The following ZDHHC13 variants were observed in gnomAD, a reference collection of about 807,000 sequenced individuals.
ZDHHC13 encodes palmitoyltransferase ZDHHC13.
Under a neutral mutation model 86.0 loss-of-function variants are expected in ZDHHC13, and 85 were observed. The ratio of observed to expected loss-of-function variants is 0.99; its 90% CI spans 0.83 to 1.18. ZDHHC13 has a LOEUF of 1.18. ZDHHC13 is among the 50% of genes most tolerant of loss of function. The pLI is 0.00. For missense variants in ZDHHC13, 711 were observed against 730.2 expected, an observed-to-expected ratio of 0.97 and a Z score of 0.30; for synonymous variants, 263 against 246.4, an observed-to-expected ratio of 1.07 and a Z score of -0.63.
intron 1 of ZDHHC13, among the ~76,000 whole-genome samples, chr11:19,140,613 A>G (rs944016994): frequency 1.3e-5 from 2 of 152,120 alleles, no homozygotes; most frequent in Non-Finnish European, 1.5e-5. Flanking sequence ...AGACACATGC[A>G]CACGTATGTT....
intron 1 of ZDHHC13, among the ~76,000 whole-genome samples, chr11:19,122,620 A>G (rs1343080838): frequency 6.6e-6 from 1 of 152,214 alleles, no homozygotes; most frequent in Non-Finnish European, 1.5e-5. Context: ...TAAACAGAGT[A>G]TAAGGAGTGA....
At chr11:19,163,199 C>T (rs1397370472) in intron 10 of ZDHHC13, 104 bp from the exon 11 acceptor site, 2 of 1,234,062 alleles carry the variant, frequency 1.6e-6, no homozygotes, top group East Asian at 5.0e-5. Context: ...GACATGTGTG[C>T]ATAAGGAAGG....
At chr11:19,130,009 A>C (rs1434696378) in intron 1 of ZDHHC13, among the ~76,000 whole-genome samples, 1 of 151,952 alleles carries the variant, frequency 6.6e-6, no homozygotes, top group Non-Finnish European at 1.5e-5. Context: ...AAGGGTGTGA[A>C]CCCAGGAGGC....
intron 1 of ZDHHC13, among the ~76,000 whole-genome samples, chr11:19,127,032 C>T (rs1472678604): frequency 1.3e-5 from 2 of 152,174 alleles, no homozygotes; most frequent in Non-Finnish European, 2.9e-5. Flanking sequence ...TGAGGAATCG[C>T]CATACTGCTT....
At chr11:19,135,245 C>T (rs576059240) in intron 1 of ZDHHC13, among the ~76,000 whole-genome samples, 19 of 152,322 alleles carry the variant, frequency 1.2e-4, no homozygotes, top group Admixed American at 7.2e-4. Flanking sequence ...CAGGGCGAGG[C>T]GTTGCCTCAC....
At chr11:19,170,201 G>T (rs1850180415) in intron 14 of ZDHHC13, 17 of 1,389,204 alleles carry the variant, frequency 1.2e-5, no homozygotes, top group African/African-American at 1.5e-5. Flanking sequence ...CTTATACAGT[G>T]TTATCATAGC....
At chr11:19,130,647 A>G (rs1278767111) in intron 1 of ZDHHC13, among the ~76,000 whole-genome samples, 1 of 152,144 alleles carries the variant, frequency 6.6e-6, no homozygotes, top group Non-Finnish European at 1.5e-5. Flanking sequence ...TAGATAACTT[A>G]CTGTAGGCCC....
intron 13 of ZDHHC13, among the ~76,000 whole-genome samples, chr11:19,165,795 A>T (rs1259317221): frequency 2.0e-5 from 3 of 152,208 alleles, no homozygotes; most frequent in African/African-American, 7.2e-5. Flanking sequence ...AACATGTTAC[A>T]TGGAAGGAGG....
intron 1 of ZDHHC13, among the ~76,000 whole-genome samples, chr11:19,135,505 C>T (rs540649611): frequency 4.6e-5 from 7 of 152,336 alleles, no homozygotes; most frequent in Middle Eastern, 3.4e-3. Context: ...GAGGGGCGCC[C>T]GCCATTGCCC....
At chr11:19,132,011 A>G (rs1022356336) in intron 1 of ZDHHC13, among the ~76,000 whole-genome samples, 3 of 152,238 alleles carry the variant, frequency 2.0e-5, no homozygotes, top group Non-Finnish European at 2.9e-5. Flanking sequence ...ATACTTATAC[A>G]TACTTATATT....
At chr11:19,166,033 G>A (rs897557218) in intron 13 of ZDHHC13, among the ~76,000 whole-genome samples, 2 of 152,212 alleles carry the variant, frequency 1.3e-5, no homozygotes, top group Non-Finnish European at 2.9e-5. Flanking sequence ...GCCTAGAGCA[G>A]TGTTTGCTTA....
intron 10 of ZDHHC13, among the ~76,000 whole-genome samples, chr11:19,160,781 C>G (rs909267397): frequency 6.6e-6 from 1 of 151,836 alleles, no homozygotes. Context: ...GGCCCTGATC[C>G]TTAAGTAATA....
intron 1 of ZDHHC13, among the ~76,000 whole-genome samples, chr11:19,137,524 C>A (rs1849177497): frequency 6.6e-6 from 1 of 151,550 alleles, no homozygotes; most frequent in African/African-American, 2.4e-5. Context: ...AGAAAGTCAA[C>A]AAGGATACCC....
chr11:19,172,598 T>C, intron 15 of ZDHHC13, 125 bp from the exon 16 acceptor site: 6 of 635,106 alleles, frequency 9.4e-6, no homozygotes, highest in Non-Finnish European at 1.5e-5. Flanking sequence ...TCTTTGTCCC[T>C]TTTCAAGGAG....
intron 13 of ZDHHC13, among the ~76,000 whole-genome samples, chr11:19,165,989 C>G (rs907488126): frequency 6.6e-6 from 1 of 152,200 alleles, no homozygotes; most frequent in Non-Finnish European, 1.5e-5. Context: ...CAAATTCCTG[C>G]CTGCTTCTCT....
chr11:19,126,954 A>G (rs979595909), intron 1 of ZDHHC13, among the ~76,000 whole-genome samples: 2 of 152,188 alleles, frequency 1.3e-5, no homozygotes, highest in Admixed American at 6.5e-5. Context: ...AGAATGATTT[A>G]TAGTCCTTTG....
At chr11:19,131,283 G>A (rs547995982) in intron 1 of ZDHHC13, among the ~76,000 whole-genome samples, 21 of 152,264 alleles carry the variant, frequency 1.4e-4, no homozygotes, top group African/African-American at 1.9e-4. Context: ...CTCCCAAAGC[G>A]TCCAGACTGA....
intron 3 of ZDHHC13, 110 bp downstream of exon 3, chr11:19,146,413 G>C (rs1849469698): frequency 2.3e-6 from 3 of 1,284,290 alleles, no homozygotes; most frequent in Admixed American, 6.8e-5. Flanking sequence ...TCGTGTAAAA[G>C]AACACCCGAA....
chr11:19,119,524 C>T (rs7103110), intron 1 of ZDHHC13, among the ~76,000 whole-genome samples: 22,705 of 152,154 alleles, frequency 0.15, 1,928 homozygotes, highest in East Asian at 0.27. Context: ...TATTCCCCCA[C>T]CTCTTTAAAG....
Sources: allele counts gnomAD v4.1 joint callset (sites outside exome capture counted in the v4.1 genomes callset), GRCh38; gene constraint gnomAD v4.1.1; transcripts MANE v1.5; gene names NCBI Gene and HGNC (gene_info 2026-07-23, HGNC 2026-07-21).